Variants in STK32B observed in about 807,000 individuals in gnomAD.
STK32B encodes the protein serine/threonine kinase 32B, also known as serine/threonine-protein kinase 32B.
In STK32B, 43 loss-of-function variants were observed where a neutral mutation model predicts 52.6. The observed-to-expected ratio is 0.82, with a 90% confidence interval of 0.64 to 1.05. STK32B has a LOEUF of 1.05. Ranked by LOEUF, STK32B falls within the 50% of genes least tolerant of loss-of-function variation. The probability of loss-of-function intolerance (pLI) is 0.00; values close to 1 mark genes in which losing one functional copy is unlikely to be tolerated. For missense variants in STK32B, 621 were observed against 534.6 expected, an observed-to-expected ratio of 1.16 and a Z score of -1.59; for synonymous variants, 238 against 204.3, an observed-to-expected ratio of 1.17 and a Z score of -1.41.
At chr4:5,155,941 G>GTGCATATACATATACATAGTTA (rs2108713189) in intron 2 of STK32B, among the ~76,000 whole-genome samples, 1 of 151,980 alleles carries the variant, frequency 6.6e-6, no homozygotes, top group Non-Finnish European at 1.5e-5. Flanking sequence ...ATATGTACAC[G>GTGCATATACATATACATAGTTA]TGCATATACA....
intron 4 of STK32B, among the ~76,000 whole-genome samples, chr4:5,361,849 T>G (rs979563842): frequency 6.6e-6 from 1 of 152,162 alleles, no homozygotes; most frequent in Non-Finnish European, 1.5e-5. Context: ...TAGGTCGGGG[T>G]AGATCATTAG....
At chr4:5,189,901 G>A (rs568347727) in intron 3 of STK32B, among the ~76,000 whole-genome samples, 1 of 152,110 alleles carries the variant, frequency 6.6e-6, no homozygotes, top group South Asian at 2.1e-4. Context: ...CATGTCCTCT[G>A]CATTTTTACC....
chr4:5,304,438 G>A (rs1180915424), intron 3 of STK32B, among the ~76,000 whole-genome samples: 3 of 118,248 alleles, frequency 2.5e-5, no homozygotes, highest in Admixed American at 8.5e-5. Context: ...TTTTTTTTTT[G>A]CAGCTATTAT....
At chr4:5,100,251 G>GGGT in intron 1 of STK32B, among the ~76,000 whole-genome samples, 1 of 152,270 alleles carries the variant, frequency 6.6e-6, no homozygotes, top group Non-Finnish European at 1.5e-5. Context: ...GATCAAGAGA[G>GGGT]GGTGGCCACT....
At chr4:5,309,021 C>T (rs1730114581) in intron 3 of STK32B, among the ~76,000 whole-genome samples, 1 of 152,008 alleles carries the variant, frequency 6.6e-6, no homozygotes, top group Non-Finnish European at 1.5e-5. Flanking sequence ...CACAAAAAAA[C>T]TCTTATGGGT....
At chr4:5,157,278 C>T (rs1172396270) in intron 2 of STK32B, among the ~76,000 whole-genome samples, 2 of 141,048 alleles carry the variant, frequency 1.4e-5, no homozygotes, top group Admixed American at 7.4e-5. Context: ...CCTGGTCTTA[C>T]TCTAGCTACC....
At chr4:5,254,347 G>A (rs1031420491) in intron 3 of STK32B, among the ~76,000 whole-genome samples, 11 of 151,656 alleles carry the variant, frequency 7.3e-5, no homozygotes, top group Non-Finnish European at 2.9e-5. Flanking sequence ...TTGCTTTTGG[G>A]TTTATTGATC....
chr4:5,255,035 T>G (rs544851477), intron 3 of STK32B, among the ~76,000 whole-genome samples: 1 of 151,694 alleles, frequency 6.6e-6, no homozygotes, highest in African/African-American at 2.4e-5. Context: ...TATTTCACAA[T>G]GATTAAAATC....
intron 1 of STK32B, among the ~76,000 whole-genome samples, chr4:5,054,942 C>T (rs114171227): frequency 0.027 from 4,181 of 152,238 alleles, 84 homozygotes; most frequent in Non-Finnish European, 0.041. Context: ...AAGGATCATG[C>T]CACAGATTAA....
chr4:5,305,454 C>T (rs1322896270), intron 3 of STK32B, among the ~76,000 whole-genome samples: 2 of 151,814 alleles, frequency 1.3e-5, no homozygotes, highest in Admixed American at 6.6e-5. Flanking sequence ...CTGGAATCTC[C>T]AGGAATCTCC....
intron 3 of STK32B, among the ~76,000 whole-genome samples, chr4:5,243,005 G>T (rs1725153914): frequency 6.6e-6 from 1 of 152,156 alleles, no homozygotes; most frequent in South Asian, 2.1e-4. Context: ...TTGAAGTCAG[G>T]TAGCGTGATG....
intron 3 of STK32B, among the ~76,000 whole-genome samples, chr4:5,230,642 G>A (rs982645790): frequency 1.3e-5 from 2 of 152,160 alleles, no homozygotes; most frequent in African/African-American, 4.8e-5. Context: ...GTCTGGGACA[G>A]CCCCAAAAGC....
chr4:5,261,720 A>G (rs1041850341), intron 3 of STK32B, among the ~76,000 whole-genome samples: 1 of 152,168 alleles, frequency 6.6e-6, no homozygotes. Flanking sequence ...AACACTGGAC[A>G]CTCAGAAAGG....
At chr4:5,441,591 GTC>G (rs1437089693) in intron 6 of STK32B, among the ~76,000 whole-genome samples, 1 of 151,610 alleles carries the variant, frequency 6.6e-6, no homozygotes, top group Non-Finnish European at 1.5e-5. Context: ...GGTTTTTTGT[GTC>G]TCTATTTCCT....
chr4:5,197,063 G>A (rs888582560), intron 3 of STK32B, among the ~76,000 whole-genome samples: 2 of 152,180 alleles, frequency 1.3e-5, no homozygotes, highest in East Asian at 3.9e-4. Context: ...AGGTCTTTGG[G>A]CCCAAGAGCT....
At chr4:5,175,676 G>A (rs1377656281) in intron 3 of STK32B, among the ~76,000 whole-genome samples, 1 of 152,148 alleles carries the variant, frequency 6.6e-6, no homozygotes, top group African/African-American at 2.4e-5. Context: ...TTGTCTCAGA[G>A]GAGTACCCGG....
At chr4:5,277,190 C>T (rs1022444298) in intron 3 of STK32B, among the ~76,000 whole-genome samples, 1 of 152,188 alleles carries the variant, frequency 6.6e-6, no homozygotes, top group Admixed American at 6.5e-5. Context: ...TTTCTGAAGA[C>T]AGTGCTGTGG....
chr4:5,401,152 T>C (rs1737267421), intron 5 of STK32B, among the ~76,000 whole-genome samples: 1 of 152,180 alleles, frequency 6.6e-6, no homozygotes, highest in Non-Finnish European at 1.5e-5. Flanking sequence ...CATTTAAAAT[T>C]AATCTTATGC....
rs894173874 is a variant in STK32B at position 5,399,159 on chromosome 4, G to A, written c.472+915G>A. Among the ~76,000 whole-genome samples the A allele has an allele frequency of 7.2e-5, 11 of 152,206 alleles. No individual in the cohort carries two copies. The highest frequency in any genetic ancestry group is 2.4e-4 in the African/African-American group (10 of 41,458). ...ACAGCCTTCAAAACTAAATTCACTGGCATTGCTTCAGGGGCCCGTCTCTCA... is the reference window on the plus strand; with the variant it reads ...ACAGCCTTCAAAACTAAATTCACTGACATTGCTTCAGGGGCCCGTCTCTCA... On this transcript the variant is annotated intron_variant, in intron 5 of 11. Transcript: ENST00000282908. The surrounding 1 kb of genome is among the most constrained non-coding windows in gnomAD (Gnocchi z 5.4).
Sources: gnomAD v4.1 joint callset for allele counts (sites outside exome capture counted in the v4.1 genomes callset) on GRCh38, gnomAD v4.1.1 for gene constraint, Gnocchi (gnomAD v3.1) non-coding constraint, MANE v1.5 for transcripts, NCBI Gene and HGNC (gene_info 2026-07-23, HGNC 2026-07-21) for gene names.